Variants in ZBTB20 observed in about 807,000 individuals in gnomAD.
ZBTB20 encodes zinc finger and BTB domain-containing protein 20.
Under a neutral mutation model 56.9 loss-of-function variants are expected in ZBTB20, and 9 were observed. That is an observed-to-expected ratio of 0.16 (90% CI 0.10 to 0.28). ZBTB20 has a LOEUF of 0.28. Among genes scored for constraint, ZBTB20 ranks in the 10% least tolerant of loss-of-function variants. The pLI is 1.00. For synonymous variants in ZBTB20, 417 were observed against 420.7 expected, an observed-to-expected ratio of 0.99 and a Z score of 0.11; for missense variants, 655 against 1,003.0, an observed-to-expected ratio of 0.65 and a Z score of 4.69.
At chr3:115,059,206 G>C (rs2081927688) in intron 2 of ZBTB20, among the ~76,000 whole-genome samples, 2 of 152,006 alleles carry the variant, frequency 1.3e-5, no homozygotes, top group African/African-American at 4.8e-5. Flanking sequence ...ACATTTTCCA[G>C]CTTTTTCATG....
intron 11 of ZBTB20, among the ~76,000 whole-genome samples, chr3:114,347,398 T>C (rs974817144): frequency 2.6e-5 from 4 of 152,154 alleles, no homozygotes; most frequent in Non-Finnish European, 4.4e-5. Context: ...GGTTAGAGTA[T>C]GGGTGGGAAC....
intron 6 of ZBTB20, among the ~76,000 whole-genome samples, chr3:114,575,367 A>C (rs2053897544): frequency 6.6e-6 from 1 of 152,140 alleles, no homozygotes; most frequent in South Asian, 2.1e-4. Flanking sequence ...CACATCTGCA[A>C]ATGACCTAGT....
intron 10 of ZBTB20, among the ~76,000 whole-genome samples, chr3:114,356,891 T>C (rs2081311158): frequency 6.6e-6 from 1 of 152,154 alleles, no homozygotes; most frequent in South Asian, 2.1e-4. Context: ...CCACTCTCTC[T>C]TTCTATCTCA....
intron 7 of ZBTB20, among the ~76,000 whole-genome samples, chr3:114,424,030 C>A (rs1354124699): frequency 7.2e-5 from 11 of 152,196 alleles, no homozygotes; most frequent in Admixed American, 6.5e-4. Context: ...AAATCTAACA[C>A]CTATAAAACA....
chr3:115,033,665 A>G (rs535565998), intron 2 of ZBTB20, among the ~76,000 whole-genome samples: 1 of 151,766 alleles, frequency 6.6e-6, no homozygotes, highest in African/African-American at 2.4e-5. Context: ...TATATACATA[A>G]TGAAGTACTA....
At chr3:115,143,723 T>C (rs2084884773) in intron 1 of ZBTB20, among the ~76,000 whole-genome samples, 1 of 152,194 alleles carries the variant, frequency 6.6e-6, no homozygotes, top group South Asian at 2.1e-4. Context: ...AAAGACATTA[T>C]TAAAATCATG....
chr3:114,691,637 A>G (rs2062703217), intron 6 of ZBTB20, among the ~76,000 whole-genome samples: 1 of 151,984 alleles, frequency 6.6e-6, no homozygotes, highest in Non-Finnish European at 1.5e-5. Flanking sequence ...AATGTTTATA[A>G]GGTCTATGTA....
At chr3:114,980,384 T>C (rs1218231568) in intron 2 of ZBTB20, among the ~76,000 whole-genome samples, 1 of 150,678 alleles carries the variant, frequency 6.6e-6, no homozygotes, top group Admixed American at 6.6e-5. Context: ...ATGTATATCC[T>C]TTCTAAGGGT....
intron 7 of ZBTB20, among the ~76,000 whole-genome samples, chr3:114,490,886 A>G (rs1487372884): frequency 2.0e-5 from 3 of 152,228 alleles, no homozygotes; most frequent in African/African-American, 7.2e-5. Flanking sequence ...TTGTGAGGAC[A>G]GGGCAGAGGG....
intron 11 of ZBTB20, among the ~76,000 whole-genome samples, chr3:114,344,300 G>C (rs2080021912): frequency 6.6e-6 from 1 of 152,182 alleles, no homozygotes; most frequent in African/African-American, 2.4e-5. Context: ...TTTGTGAATA[G>C]AGTGGATATT....
At chr3:114,839,445 AAGAAAG>A (rs2074274399) in intron 4 of ZBTB20, among the ~76,000 whole-genome samples, 1 of 151,386 alleles carries the variant, frequency 6.6e-6, no homozygotes. Flanking sequence ...GAAAGAAAGA[AAGAAAG>A]AAAGAAAGAA....
At chr3:114,467,484 T>C (rs1299990991) in intron 7 of ZBTB20, among the ~76,000 whole-genome samples, 5 of 152,104 alleles carry the variant, frequency 3.3e-5, no homozygotes, top group African/African-American at 1.2e-4. Flanking sequence ...TAGAGATAGA[T>C]AGTCAAAACA....
At chr3:114,516,110 C>T (rs897673903) in intron 6 of ZBTB20, among the ~76,000 whole-genome samples, 4 of 151,758 alleles carry the variant, frequency 2.6e-5, no homozygotes, top group African/African-American at 9.7e-5. Context: ...GTCAGGTTCA[C>T]TGAGGTATAA....
chr3:115,093,043 TCTC>T (rs2083256464), intron 1 of ZBTB20, among the ~76,000 whole-genome samples: 1 of 152,236 alleles, frequency 6.6e-6, no homozygotes, highest in Admixed American at 6.5e-5. Flanking sequence ...TAAAAAGCTT[TCTC>T]CTCATTTTAC....
intron 6 of ZBTB20, among the ~76,000 whole-genome samples, chr3:114,501,432 C>A (rs555695936): frequency 1.2e-4 from 18 of 151,940 alleles, no homozygotes; most frequent in Non-Finnish European, 2.1e-4. Context: ...TCGAGACCAG[C>A]CTGGCCAAAA....
chr3:114,625,793 G>A (rs997346568), intron 6 of ZBTB20, among the ~76,000 whole-genome samples: 1 of 152,114 alleles, frequency 6.6e-6, no homozygotes, highest in African/African-American at 2.4e-5. Context: ...CAGTAGTACT[G>A]TAATATAGCA....
chr3:114,586,884 C>A (rs961232324), intron 6 of ZBTB20, among the ~76,000 whole-genome samples: 1 of 151,246 alleles, frequency 6.6e-6, no homozygotes, highest in Non-Finnish European at 1.5e-5. Flanking sequence ...CCTTCAGACT[C>A]AAGAACAAGA....
Position 114,852,078 on chromosome 3 carries a change from AAG to A in ZBTB20, c.-417+48224_-417+48225del, listed in dbSNP as rs202018005. Among the ~76,000 whole-genome samples, 344 of 151,500 alleles carry A rather than the reference AAG, an allele frequency of 2.3e-3. 4 individuals carry two copies. The highest frequency in any genetic ancestry group is 7.8e-3 in the African/African-American group (323 of 41,390). On this transcript the variant is annotated intron_variant, in intron 4 of 11. Transcript: ENST00000675478. The stretch of plus-strand genomic sequence containing the variant: ...TTCACAATTGTGGTAATATCAGTAG[AAG>A]TTCTTCTCCTTCCTCTCCCAGCTTT...
At chr3:115,040,704 G>A (rs999033301) in intron 2 of ZBTB20, among the ~76,000 whole-genome samples, 1 of 152,074 alleles carries the variant, frequency 6.6e-6, no homozygotes, top group African/African-American at 2.4e-5. Flanking sequence ...TGGGCACAAA[G>A]AAATGTTTTC....
Sources: gnomAD v4.1 joint callset for allele counts (sites outside exome capture counted in the v4.1 genomes callset) on GRCh38, gnomAD v4.1.1 for gene constraint, MANE v1.5 for transcripts, NCBI Gene and HGNC (gene_info 2026-07-23, HGNC 2026-07-21) for gene names.